The following MSI2 variants were observed in gnomAD, a reference collection of about 807,000 sequenced individuals.
MSI2 encodes the protein musashi RNA binding protein 2.
MSI2 carries 17 observed loss-of-function variants against 45.6 expected under a neutral mutation model. That is an observed-to-expected ratio of 0.37 (90% CI 0.26 to 0.56). The LOEUF is 0.56. Ranked by LOEUF, MSI2 falls within the 20% of genes least tolerant of loss-of-function variation. The pLI is 0.77. For missense variants in MSI2, 293 were observed against 444.2 expected (o/e 0.66, Z 3.06); for synonymous variants, 156 against 158.2 (o/e 0.99, Z 0.11).
rs1277790792 is a variant in MSI2 at position 57,407,307 on chromosome 17, A to G, written c.405+5836A>G. 1.3e-5 allele frequency among the ~76,000 whole-genome samples: 2 copies of G among 152,078 alleles called. No homozygotes were observed. Among genetic ancestry groups the G allele is most frequent in the Non-Finnish European group, 2.9e-5 (2 of 68,002 alleles). On this transcript the variant is annotated intron_variant, in intron 6 of 13. Transcript: ENST00000284073. This position sits in a 1 kb window ranked among gnomAD's most constrained non-coding sequence, Gnocchi z 4.1. ...TCTGTGCAGGTGCGAAGCTGCATTC[A>G]TGGCCCCCACTCAGACACCCCTTTT...
chr17:57,334,200 T>A (rs113299458), intron 5 of MSI2, among the ~76,000 whole-genome samples: 313 of 152,264 alleles, frequency 2.1e-3, no homozygotes, highest in African/African-American at 7.3e-3. Flanking sequence ...TGAGAGTAGG[T>A]TTAGAAAAAG....
chr17:57,660,058 G>A (rs917598935), intron 11 of MSI2, among the ~76,000 whole-genome samples: 1 of 152,148 alleles, frequency 6.6e-6, no homozygotes, highest in African/African-American at 2.4e-5. Context: ...AATATTATGG[G>A]GGATTTATTG....
At chr17:57,347,783 A>G (rs1318973325) in intron 5 of MSI2, among the ~76,000 whole-genome samples, 1 of 151,924 alleles carries the variant, frequency 6.6e-6, no homozygotes, top group Non-Finnish European at 1.5e-5. Context: ...GATGTTAGCA[A>G]CTCCTTCTCA....
intron 5 of MSI2, among the ~76,000 whole-genome samples, chr17:57,297,908 T>A (rs1356269348): frequency 1.3e-5 from 2 of 152,238 alleles, no homozygotes; most frequent in African/African-American, 2.4e-5. Context: ...TTCAGTCACA[T>A]CTTAGGCTCT....
intron 5 of MSI2, among the ~76,000 whole-genome samples, chr17:57,378,849 G>A (rs898226988): frequency 6.6e-6 from 1 of 152,190 alleles, no homozygotes; most frequent in Non-Finnish European, 1.5e-5. Context: ...ATCCCTCTGT[G>A]ACTCTGCACC....
At chr17:57,456,837 C>A (rs573973971) in intron 6 of MSI2, among the ~76,000 whole-genome samples, 141 of 152,278 alleles carry the variant, frequency 9.3e-4, no homozygotes, top group Non-Finnish European at 1.7e-3. Flanking sequence ...CATTCTCAAC[C>A]ATTTAAGTAT....
At chr17:57,602,241 T>C (rs1905969534) in intron 8 of MSI2, among the ~76,000 whole-genome samples, 1 of 152,090 alleles carries the variant, frequency 6.6e-6, no homozygotes, top group Non-Finnish European at 1.5e-5. Flanking sequence ...TCATCAGCTA[T>C]CTTTAGTGTT....
chr17:57,418,514 T>C (rs762997623), intron 6 of MSI2, among the ~76,000 whole-genome samples: 8 of 152,234 alleles, frequency 5.3e-5, no homozygotes, highest in Non-Finnish European at 1.0e-4. Flanking sequence ...AGGTTTGTTA[T>C]AGTGAATAGG....
At chr17:57,700,819 T>C in the MSI2 span, among the ~76,000 whole-genome samples, 1 of 151,880 alleles carries the variant, frequency 6.6e-6, no homozygotes, top group East Asian at 1.9e-4. Context: ...GGAGAATCGC[T>C]TGAACTCGAG....
rs115057718 is a variant in MSI2 at position 57,326,811 on chromosome 17, G to A, written c.312+64619G>A. ...TGGGGTCATGTGGCTTGGAAGTGGA[G>A]AGGGAGATTTGAATTCAGGAAGCCT... On this transcript the variant is annotated intron_variant, in intron 5 of 13. Coordinates refer to ENST00000284073, the MANE Select transcript of MSI2 (RefSeq NM_138962.4). Among the ~76,000 whole-genome samples the A allele has an allele frequency of 8.8e-3, 1,343 of 152,326 alleles. 24 individuals carry two copies. Among genetic ancestry groups the A allele is most frequent in the African/African-American group, 0.031 (1,279 of 41,564 alleles).
At position 57,276,838 on chromosome 17, in the gene MSI2, C is replaced by T. The variant is rs554934770; in HGVS notation, c.312+14646C>T. On this transcript the variant is annotated intron_variant, in intron 5 of 13. Transcript: ENST00000284073. The stretch of plus-strand genomic sequence containing the variant: ...TAACGGAGGCGCCTCATTTTTGTGC[C>T]GAGGCTCAAGGTTTCCTGGCTCCCA... 3.9e-5 allele frequency among the ~76,000 whole-genome samples: 6 copies of T among 152,140 alleles called. No individual in the cohort carries two copies. In the East Asian group the frequency reaches 7.7e-4, roughly 20 times the overall value.
intron 9 of MSI2, among the ~76,000 whole-genome samples, chr17:57,622,229 T>C (rs1908361661): frequency 8.2e-6 from 1 of 121,316 alleles, no homozygotes. Context: ...AGAAATGGTC[T>C]CGTGCAGCCC....
chr17:57,585,546 C>G (rs1368266953), intron 7 of MSI2, among the ~76,000 whole-genome samples: 1 of 152,216 alleles, frequency 6.6e-6, no homozygotes, highest in Non-Finnish European at 1.5e-5. Flanking sequence ...AAAGTCTAAG[C>G]CCTTTTCCAC....
chr17:57,311,779 C>T (rs1237963687), intron 5 of MSI2, among the ~76,000 whole-genome samples: 1 of 152,156 alleles, frequency 6.6e-6, no homozygotes, highest in East Asian at 1.9e-4. Context: ...TGGTCTCAAA[C>T]TCCTGGCCTC....
In MSI2 at chr17:57,280,980, T is replaced by G. The variant is rs1384147214; in HGVS notation, c.312+18788T>G. On this transcript the variant is annotated intron_variant, in intron 5 of 13. Transcript: ENST00000284073. This position sits in a 1 kb window ranked among gnomAD's most constrained non-coding sequence, Gnocchi z 4.2. ...ACTCTGCAATCCAGGGGCTCTCCCG[T>G]GAGTTCTGCCCAGGCCAGGGGCCCA... is the stretch of plus-strand genomic sequence containing the variant. Among the ~76,000 whole-genome samples, 1 of 151,972 alleles carries G rather than the reference T, an allele frequency of 6.6e-6. No homozygotes were observed. The highest frequency in any genetic ancestry group is 1.5e-5 in the Non-Finnish European group (1 of 67,988).
At chr17:57,607,458 G>T (rs1404850406) in intron 8 of MSI2, among the ~76,000 whole-genome samples, 1 of 152,212 alleles carries the variant, frequency 6.6e-6, no homozygotes, top group African/African-American at 2.4e-5. Context: ...CCACATCCAT[G>T]AGGACCTTTT....
chr17:57,257,436 C>CCCG (rs1555568756), intron 2 of MSI2, 30 bp from the exon 3 acceptor site: 1 of 1,166,872 alleles, frequency 8.6e-7, no homozygotes, highest in South Asian at 1.3e-5. Context: ...CTTCTCTCCC[C>CCCG]CCCCCATCTC....
chr17:57,521,892 T>C (rs905801791), intron 6 of MSI2, among the ~76,000 whole-genome samples: 4 of 152,222 alleles, frequency 2.6e-5, no homozygotes, highest in Non-Finnish European at 5.9e-5. Flanking sequence ...AGTCTGCTCC[T>C]TCTTCTCCGT....
chr17:57,691,501 AG>A, the MSI2 span, among the ~76,000 whole-genome samples: 1 of 152,184 alleles, frequency 6.6e-6, no homozygotes, highest in African/African-American at 2.4e-5. Flanking sequence ...TCTATACACA[AG>A]GGACATTTTT....
Sources: allele counts gnomAD v4.1 joint callset (sites outside exome capture counted in the v4.1 genomes callset), GRCh38; gene constraint gnomAD v4.1.1; non-coding constraint Gnocchi (gnomAD v3.1); transcripts MANE v1.5; gene names NCBI Gene and HGNC (gene_info 2026-07-23, HGNC 2026-07-21).